Variants in STK31 observed in about 807,000 individuals in gnomAD.
STK31 encodes serine/threonine kinase 31.
STK31 carries 89 observed loss-of-function variants against 129.7 expected under a neutral mutation model. That is an observed-to-expected ratio of 0.69 (90% CI 0.58 to 0.82). STK31 has a LOEUF of 0.82. STK31 is among the 40% of genes least tolerant of loss of function. The pLI is 0.00. For synonymous variants in STK31, 448 were observed against 395.3 expected (o/e 1.13, Z -1.58); for missense variants, 1,187 against 1,176.4 (o/e 1.01, Z -0.13).
At chr7:23,713,698 C>T (rs1013151203) in intron 3 of STK31, among the ~76,000 whole-genome samples, 8 of 151,940 alleles carry the variant, frequency 5.3e-5, no homozygotes, top group African/African-American at 1.7e-4. Context: ...CTTTCACTTC[C>T]GCTTCTTGTC....
chr7:23,724,663 A>G (rs1372416077), intron 4 of STK31, among the ~76,000 whole-genome samples: 2 of 152,184 alleles, frequency 1.3e-5, no homozygotes, highest in Admixed American at 6.5e-5. Context: ...GAAATTGGTT[A>G]GGACTGTTGA....
chr7:23,814,698 T>A (rs1180474537), intron 22 of STK31, among the ~76,000 whole-genome samples: 5 of 152,280 alleles, frequency 3.3e-5, no homozygotes, highest in South Asian at 2.1e-4. Context: ...TCCATGTTTT[T>A]AAATTAAATT....
chr7:23,754,527 G>A, intron 10 of STK31, 53 bp downstream of exon 10: 2 of 1,510,622 alleles, frequency 1.3e-6, no homozygotes, highest in African/African-American at 1.4e-5. Flanking sequence ...ACATAAGGAA[G>A]TGTTTTTTTA....
At chr7:23,784,447 A>C (rs549942947) in intron 17 of STK31, among the ~76,000 whole-genome samples, 1 of 152,176 alleles carries the variant, frequency 6.6e-6, no homozygotes, top group Non-Finnish European at 1.5e-5. Flanking sequence ...TCTTGCAACT[A>C]TTTAGCTTAG....
Position 23,818,903 on chromosome 7 carries a change from G to T in STK31, c.2829+3691G>T, listed in dbSNP as rs530185141. On this transcript the variant is annotated intron_variant, in intron 23 of 23. Transcript: ENST00000355870. Reference sequence around the variant, plus strand: ...GCCTCCCAAAGTTCTGGGATTACAGGTGTGAGCCACTGCTGGCCCTCATTG... The same window carrying T: ...GCCTCCCAAAGTTCTGGGATTACAGTTGTGAGCCACTGCTGGCCCTCATTG... Among the ~76,000 whole-genome samples the T allele has an allele frequency of 1.9e-3, 297 of 152,330 alleles. 1 individual carries two copies. Among genetic ancestry groups the T allele is most frequent in the African/African-American group, 6.8e-3 (284 of 41,578 alleles).
At chr7:23,832,014 G>C in intron 23 of STK31, 122 bp from the exon 24 acceptor site, 1 of 663,782 alleles carries the variant, frequency 1.5e-6, no homozygotes, top group Non-Finnish European at 2.6e-6. Context: ...CAGATACCTC[G>C]TCAGTCATCT....
rs745386168 is a variant in STK31, at chr7:23,786,936, G to A, written c.2487+12G>A. ...CTTTAAATTCAGAAGTAAGTAAAAA[G>A]CACTATTTATTTCCATGGATGTATT... On this transcript the variant is annotated intron_variant, in intron 20 of 23. Transcript: ENST00000355870. 1.5e-5 allele frequency: 24 copies of A among 1,609,510 alleles called. No individual in the cohort carries two copies. The South Asian group carries it at 2.4e-4, about 16-fold the overall frequency.
chr7:23,713,188 G>T (rs1305610108), intron 3 of STK31, among the ~76,000 whole-genome samples: 1 of 152,156 alleles, frequency 6.6e-6, no homozygotes, highest in Non-Finnish European at 1.5e-5. Flanking sequence ...AGGCCATGTG[G>T]TGTACCTGTA....
intron 11 of STK31, among the ~76,000 whole-genome samples, chr7:23,766,033 C>T (rs1288004319): frequency 6.6e-6 from 1 of 152,096 alleles, no homozygotes; most frequent in Admixed American, 6.5e-5. Flanking sequence ...ATTCTTATTT[C>T]ATAAGTCGTT....
chr7:23,775,453 A>G (rs948759994), intron 15 of STK31, among the ~76,000 whole-genome samples: 1 of 152,112 alleles, frequency 6.6e-6, no homozygotes, highest in Non-Finnish European at 1.5e-5. Flanking sequence ...CATTCTTCCT[A>G]TCCATGAGCA....
intron 16 of STK31, among the ~76,000 whole-genome samples, chr7:23,782,487 A>G (rs1259489835): frequency 1.1e-4 from 13 of 123,112 alleles, no homozygotes; most frequent in African/African-American, 3.1e-4. Context: ...AAAAAAAAAA[A>G]AAAAAGAAAA....
intron 22 of STK31, among the ~76,000 whole-genome samples, chr7:23,799,233 G>GA (rs1459839892): frequency 6.6e-6 from 1 of 152,100 alleles, no homozygotes; most frequent in Non-Finnish European, 1.5e-5. Flanking sequence ...CACAGAATTA[G>GA]AAAAAACTAC....
chr7:23,714,257 T>C (rs1584312243), intron 3 of STK31, among the ~76,000 whole-genome samples: 1 of 152,380 alleles, frequency 6.6e-6, no homozygotes, highest in East Asian at 1.9e-4. Flanking sequence ...CTTATGCATA[T>C]TCTCTAAAGG....
chr7:23,730,878 A>ATATATATATATATATATATATATATAT, intron 6 of STK31, among the ~76,000 whole-genome samples: 3 of 59,542 alleles, frequency 5.0e-5, no homozygotes, highest in African/African-American at 1.7e-4. Flanking sequence ...ATATATATAT[A>ATATATATATATATATATATATATATAT]TTTTTTTTTT....
At chr7:23,813,686 A>G (rs1793293794) in intron 22 of STK31, among the ~76,000 whole-genome samples, 1 of 152,166 alleles carries the variant, frequency 6.6e-6, no homozygotes, top group Non-Finnish European at 1.5e-5. Flanking sequence ...AGGGAATGAA[A>G]GGAACTTTTC....
chr7:23,715,715 C>A (rs1004212137), intron 3 of STK31, among the ~76,000 whole-genome samples: 1 of 152,152 alleles, frequency 6.6e-6, no homozygotes, highest in African/African-American at 2.4e-5. Context: ...AGTTTAAATT[C>A]AGTTCCTGTT....
chr7:23,770,309 G>A (rs373316844), intron 13 of STK31, among the ~76,000 whole-genome samples: 3 of 152,174 alleles, frequency 2.0e-5, no homozygotes, highest in East Asian at 3.9e-4. Flanking sequence ...CAATGTTTCA[G>A]TGGTTAGGCT....
chr7:23,800,544 A>G (rs1792303271), intron 22 of STK31, among the ~76,000 whole-genome samples: 2 of 152,138 alleles, frequency 1.3e-5, no homozygotes, highest in Admixed American at 1.3e-4. Context: ...CATAAGTTGA[A>G]CAATGAGAAC....
chr7:23,830,219 T>G (rs1486507323), intron 23 of STK31, among the ~76,000 whole-genome samples: 6 of 152,212 alleles, frequency 3.9e-5, no homozygotes, highest in African/African-American at 1.4e-4. Flanking sequence ...GCTAGCAGTT[T>G]ATTGATTTTG....
Sources: allele counts gnomAD v4.1 joint callset (sites outside exome capture counted in the v4.1 genomes callset), GRCh38; gene constraint gnomAD v4.1.1; transcripts MANE v1.5; gene names NCBI Gene and HGNC (gene_info 2026-07-23, HGNC 2026-07-21).